The following TFB1M variants were observed in gnomAD, a reference collection of about 807,000 sequenced individuals.
The protein encoded by TFB1M is transcription factor B1, mitochondrial, also known as dimethyladenosine transferase 1, mitochondrial.
TFB1M carries 27 observed loss-of-function variants against 31.1 expected under a neutral mutation model. The observed-to-expected ratio is 0.87, with a 90% CI of 0.64 to 1.20. The LOEUF (loss-of-function observed/expected upper bound fraction) is 1.20. TFB1M is among the 50% of genes most tolerant of loss of function. The pLI, the probability that TFB1M is intolerant of heterozygous loss-of-function variation, is 0.00. For synonymous variants in TFB1M, 166 were observed against 151.8 expected (o/e 1.09, Z -0.69); for missense variants, 394 against 418.7 (o/e 0.94, Z 0.51).
intron 2 of TFB1M, among the ~76,000 whole-genome samples, chr6:155,300,287 T>C (rs1411578215): frequency 6.6e-6 from 1 of 152,210 alleles, no homozygotes; most frequent in Non-Finnish European, 1.5e-5. Context: ...TGTTTAGCCA[T>C]GGTAGTTTAG....
intron 5 of TFB1M, among the ~76,000 whole-genome samples, chr6:155,268,757 T>G (rs9371875): frequency 0.017 from 2,508 of 149,146 alleles, 58 homozygotes; most frequent in African/African-American, 0.043. Context: ...GCAGCATGCT[T>G]GCTAAGAGTC....
chr6:155,253,800 T>C, downstream of TFB1M: 1 of 546,480 alleles, frequency 1.8e-6, no homozygotes. Context: ...CCAAAAGGCA[T>C]TTCAGTTCTT....
chr6:155,296,635 T>C (rs776226801), intron 4 of TFB1M, among the ~76,000 whole-genome samples: 5 of 151,016 alleles, frequency 3.3e-5, no homozygotes, highest in South Asian at 4.2e-4. Context: ...TTTTAAGGTA[T>C]CACGTGCCAA....
chr6:155,309,587 T>C (rs1446481115), intron 2 of TFB1M, among the ~76,000 whole-genome samples: 1 of 152,104 alleles, frequency 6.6e-6, no homozygotes, highest in Non-Finnish European at 1.5e-5. Flanking sequence ...TGGGAATGAA[T>C]GGAAATCTGG....
At chr6:155,247,970 T>C in the TFB1M span, 1 of 1,608,284 alleles carries the variant, frequency 6.2e-7, no homozygotes, top group Non-Finnish European at 8.5e-7. Context: ...CACTGTGCTC[T>C]TCTGAGGTCT....
chr6:155,236,769 T>C, the TFB1M span, among the ~76,000 whole-genome samples: 15 of 152,286 alleles, frequency 9.8e-5, no homozygotes, highest in African/African-American at 3.4e-4. Context: ...TCTTGTGAGA[T>C]CTATTCACTA....
At chr6:155,288,007 C>G (rs1322594672) in intron 4 of TFB1M, among the ~76,000 whole-genome samples, 1 of 152,202 alleles carries the variant, frequency 6.6e-6, no homozygotes, top group African/African-American at 2.4e-5. Flanking sequence ...TGGGTTTGCT[C>G]TTTCCCGCTT....
chr6:155,296,814 G>T, intron 4 of TFB1M, 139 bp downstream of exon 4: 1 of 794,996 alleles, frequency 1.3e-6, no homozygotes, highest in Non-Finnish European at 2.0e-6. Flanking sequence ...TTTAACTTTT[G>T]GCTGAGCTGC....
Position 155,258,047 on chromosome 6 carries a change from G to A in TFB1M, c.830C>T (p.Thr277Met), listed in dbSNP as rs759389264. ...LFPEAQRLES[T>M]GRLLELADID... ...GTCTGCCAACTCTAACAGCCTGCCC[G>A]TGCTTTCCAAGCGCTGCGCTTCAGG... Residue 277 changes from threonine to methionine, a missense_variant, in exon 7 of 7, where the codon ACG becomes ATG. Thr to Met is a moderately conservative substitution (Grantham distance 81, BLOSUM62 -1). This residue lies in a region of TFB1M where 115 missense variants were observed against 144.1 expected (regional missense o/e 0.80). Coordinates refer to ENST00000367166, the MANE Select transcript of TFB1M (RefSeq NM_016020.4). 10 of 1,614,062 alleles carry A rather than the reference G, an allele frequency of 6.2e-6. No homozygotes were observed. The highest frequency in any genetic ancestry group is 2.7e-5 in the African/African-American group (2 of 74,898).
the TFB1M span, among the ~76,000 whole-genome samples, chr6:155,247,582 C>T: frequency 2.6e-5 from 4 of 152,264 alleles, no homozygotes; most frequent in African/African-American, 9.6e-5. Flanking sequence ...CCCGCCTCAG[C>T]CTCCCAAAGT....
intron 5 of TFB1M, among the ~76,000 whole-genome samples, chr6:155,266,568 T>C (rs13220614): frequency 0.64 from 96,287 of 151,590 alleles, 31,298 homozygotes; most frequent in East Asian, 0.98. Flanking sequence ...CAAATGAGGC[T>C]GGGCGCTGTG....
At chr6:155,245,866 T>C in the TFB1M span, 1 of 523,104 alleles carries the variant, frequency 1.9e-6, no homozygotes, top group African/African-American at 2.0e-5. Context: ...ACCTTGACAG[T>C]GGCAAATATT....
intron 1 of TFB1M, among the ~76,000 whole-genome samples, chr6:155,312,237 G>A (rs1442541599): frequency 3.9e-5 from 6 of 152,196 alleles, no homozygotes; most frequent in South Asian, 4.1e-4. Flanking sequence ...GCTAAAATGC[G>A]GAAACTAGTT....
intron 4 of TFB1M, among the ~76,000 whole-genome samples, chr6:155,286,551 GTGTATATATA>G (rs559319470): frequency 1.8e-3 from 265 of 147,676 alleles, no homozygotes; most frequent in African/African-American, 6.2e-3. Context: ...GTATATATGT[GTGTATATATA>G]TGTATATATA....
chr6:155,244,824 C>G, the TFB1M span: 1 of 1,570,272 alleles, frequency 6.4e-7, no homozygotes, highest in Non-Finnish European at 8.6e-7. Context: ...AAATACGTGG[C>G]TATGGTACGT....
chr6:155,294,150 T>C (rs1777059171), intron 4 of TFB1M, among the ~76,000 whole-genome samples: 1 of 151,962 alleles, frequency 6.6e-6, no homozygotes, highest in South Asian at 2.1e-4. Flanking sequence ...TTGGGACCCA[T>C]ATGTTAAAAA....
Position 155,256,698 on chromosome 6 carries a change from C to T in TFB1M, c.*1138G>A. On this transcript the variant is annotated 3_prime_UTR_variant, in exon 7 of 7. Coordinates refer to ENST00000367166, the MANE Select transcript of TFB1M (RefSeq NM_016020.4). Reference sequence around the variant, plus strand: ...GCTTGGCAGATTTTGCCGACAATCTCATCAAAGAGAGTGACATCCTGAGCG... The same window carrying T: ...GCTTGGCAGATTTTGCCGACAATCTTATCAAAGAGAGTGACATCCTGAGCG... The T allele has an allele frequency of 1.2e-6, 2 of 1,614,212 alleles. No homozygotes were observed. The highest frequency in any genetic ancestry group is 1.7e-6 in the Non-Finnish European group (2 of 1,180,044).
the TFB1M span, chr6:155,248,102 T>C: frequency 1.9e-6 from 3 of 1,614,008 alleles, no homozygotes; most frequent in Non-Finnish European, 1.7e-6. Flanking sequence ...GTTCAGAGAG[T>C]GCTCAAGTAC....
chr6:155,240,512 C>T, the TFB1M span: 7 of 1,591,298 alleles, frequency 4.4e-6, no homozygotes, highest in East Asian at 2.3e-5. Flanking sequence ...TTATTTTCCA[C>T]CTCTTGTCCT....
Sources: allele counts gnomAD v4.1 joint callset (sites outside exome capture counted in the v4.1 genomes callset), GRCh38; gene constraint gnomAD v4.1.1; regional missense constraint gnomAD v4.1.1; transcripts MANE v1.5; gene names NCBI Gene and HGNC (gene_info 2026-07-23, HGNC 2026-07-21).